Variants in CBX5 observed in about 807,000 individuals in gnomAD.
CBX5 encodes the protein chromobox 5.
Under a neutral mutation model 20.7 loss-of-function variants are expected in CBX5, and 7 were observed. That is an observed-to-expected ratio of 0.34 (90% CI 0.19 to 0.63). The LOEUF is 0.63. CBX5 is among the 30% of genes least tolerant of loss of function. CBX5 has a pLI of 0.75. For missense variants in CBX5, 110 were observed against 224.1 expected, an observed-to-expected ratio of 0.49 and a Z score of 3.25; for synonymous variants, 78 against 77.0, an observed-to-expected ratio of 1.01 and a Z score of -0.07.
intron 1 of CBX5, among the ~76,000 whole-genome samples, chr12:54,279,523 C>A (rs959485542): frequency 2.6e-5 from 4 of 152,190 alleles, no homozygotes; most frequent in Non-Finnish European, 5.9e-5. Context: ...TCGAAGACCT[C>A]CCTCTTTTGG....
intron 1 of CBX5, among the ~76,000 whole-genome samples, chr12:54,275,457 G>A (rs1337762365): frequency 1.3e-5 from 2 of 151,884 alleles, no homozygotes; most frequent in Non-Finnish European, 1.5e-5. Flanking sequence ...TAGCCAGGAT[G>A]GTCTCAATCT....
At chr12:54,277,733 T>C (rs1944084268) in intron 1 of CBX5, among the ~76,000 whole-genome samples, 2 of 152,240 alleles carry the variant, frequency 1.3e-5, no homozygotes, top group Admixed American at 6.5e-5. Context: ...TAGTGATCCA[T>C]TTACCAAAGG....
chr12:54,245,738 C>T (rs1195392087), intron 4 of CBX5, among the ~76,000 whole-genome samples: 1 of 151,768 alleles, frequency 6.6e-6, no homozygotes, highest in Non-Finnish European at 1.5e-5. Context: ...TGCGGTAAGC[C>T]GAGATCGCAC....
chr12:54,255,978 G>A (rs184528843), intron 2 of CBX5: 1 of 152,300 alleles, frequency 6.6e-6, no homozygotes, highest in Admixed American at 6.5e-5. Flanking sequence ...CTAGCACAAA[G>A]TAGGCATTTA....
intron 1 of CBX5, chr12:54,276,767 TCA>T (rs1944072779): frequency 1.3e-5 from 2 of 152,168 alleles, no homozygotes; most frequent in Non-Finnish European, 2.9e-5. Context: ...CAAAAGAATA[TCA>T]GAGTACTCTG....
intron 1 of CBX5, chr12:54,257,936 T>C (rs1943878567): frequency 6.4e-6 from 2 of 311,886 alleles, no homozygotes; most frequent in Admixed American, 4.6e-5. Flanking sequence ...TGTTTAACTC[T>C]TCTATTTCAG....
chr12:54,268,607 T>G (rs756931175), intron 1 of CBX5, among the ~76,000 whole-genome samples: 2 of 152,324 alleles, frequency 1.3e-5, no homozygotes, highest in Middle Eastern at 3.4e-3. Flanking sequence ...TGGTTGATTA[T>G]GAGATATTTA....
At chr12:54,257,395 C>T in intron 2 of CBX5, 119 bp downstream of exon 2, 1 of 983,590 alleles carries the variant, frequency 1.0e-6, no homozygotes, top group Non-Finnish European at 1.5e-6. Context: ...TCTTCTAACT[C>T]TTAGGAAGAG....
At position 54,263,602 on chromosome 12, in the gene CBX5, T is replaced by C. The variant is rs144992336; in HGVS notation, c.-42-5910A>G. On this transcript the variant is annotated intron_variant, in intron 1 of 4. Coordinates refer to ENST00000209875, the MANE Select transcript of CBX5 (RefSeq NM_012117.3). ...ACAAAAAAATTAGTCAGGCGTGGTGTAATCCCAGCTACTCGGGAGGCTGAG... is the reference window on the plus strand; with the variant it reads ...ACAAAAAAATTAGTCAGGCGTGGTGCAATCCCAGCTACTCGGGAGGCTGAG... Among the ~76,000 whole-genome samples, 580 of 150,676 alleles carry C rather than the reference T, an allele frequency of 3.8e-3. 2 individuals carry two copies. Among genetic ancestry groups the C allele is most frequent in the African/African-American group, 0.013 (549 of 40,938 alleles).
intron 1 of CBX5, among the ~76,000 whole-genome samples, chr12:54,275,513 T>C (rs1353011355): frequency 6.6e-6 from 1 of 151,520 alleles, no homozygotes; most frequent in East Asian, 2.0e-4. Flanking sequence ...AGTGCTGGGA[T>C]TACAGGCATA....
At chr12:54,267,672 C>T (rs1362645208) in intron 1 of CBX5, among the ~76,000 whole-genome samples, 7 of 152,086 alleles carry the variant, frequency 4.6e-5, no homozygotes, top group African/African-American at 1.7e-4. Flanking sequence ...CCACCACGCC[C>T]GGCTAATTTT....
chr12:54,274,682 G>A (rs1944043207), intron 1 of CBX5, among the ~76,000 whole-genome samples: 3 of 152,196 alleles, frequency 2.0e-5, no homozygotes, highest in South Asian at 4.1e-4. Flanking sequence ...GCTCATGCCT[G>A]TAATTCTAAC....
chr12:54,254,957 A>G (rs1287173650), intron 2 of CBX5, among the ~76,000 whole-genome samples: 1 of 152,154 alleles, frequency 6.6e-6, no homozygotes, highest in Non-Finnish European at 1.5e-5. Flanking sequence ...TAACATACCA[A>G]TATCAAAAGG....
intron 1 of CBX5, chr12:54,259,274 G>A (rs530392926): frequency 1.3e-5 from 2 of 152,198 alleles, no homozygotes; most frequent in Admixed American, 6.5e-5. Flanking sequence ...ACTCACCTTG[G>A]AATTTCCGGG....
chr12:54,279,732 T>C (rs1944113082), intron 1 of CBX5, among the ~76,000 whole-genome samples: 1 of 152,094 alleles, frequency 6.6e-6, no homozygotes, highest in African/African-American at 2.4e-5. Flanking sequence ...AAAACCCGTC[T>C]CCCACATTCC....
intron 3 of CBX5, among the ~76,000 whole-genome samples, chr12:54,248,994 G>C (rs1943765745): frequency 6.6e-6 from 1 of 152,144 alleles, no homozygotes; most frequent in Admixed American, 6.5e-5. Context: ...TTCAAGGTCG[G>C]CAGCTTCAGA....
In CBX5 at chr12:54,238,490, C is replaced by T. The variant is rs1036275837; in HGVS notation, c.*3265G>A. ...TATATAGCTTCTTCTCTGGGATCTA[C>T]TGAGGAGTGAAATCTAAATGAAGAT... On this transcript the variant is annotated 3_prime_UTR_variant, in exon 5 of 5. Transcript: ENST00000209875. 1 of 152,108 alleles carries T rather than the reference C, an allele frequency of 6.6e-6. No homozygotes were observed. Among genetic ancestry groups the T allele is most frequent in the African/African-American group, 2.4e-5 (1 of 41,406 alleles). 9.4% of individuals were successfully genotyped at this position (152,108 alleles called of 1,614,324 possible).
chr12:54,242,028 G>T, intron 4 of CBX5, 123 bp from the exon 5 acceptor site: 1 of 814,874 alleles, frequency 1.2e-6, no homozygotes, highest in Non-Finnish European at 1.9e-6. Context: ...GTTTCAAGGT[G>T]AAAAGGACCC....
intron 3 of CBX5, among the ~76,000 whole-genome samples, chr12:54,246,712 C>G (rs147927329): frequency 2.1e-5 from 3 of 142,416 alleles, no homozygotes; most frequent in Non-Finnish European, 4.5e-5. Context: ...ACCCGGGATG[C>G]GGAGGTTGCA....
Sources: allele counts gnomAD v4.1 joint callset (sites outside exome capture counted in the v4.1 genomes callset), GRCh38; gene constraint gnomAD v4.1.1; transcripts MANE v1.5; gene names NCBI Gene and HGNC (gene_info 2026-07-23, HGNC 2026-07-21).